Variants in PSD3 observed in about 807,000 individuals in gnomAD.
The protein encoded by PSD3 is pleckstrin and Sec7 domain containing 3.
In PSD3, 49 loss-of-function variants were observed where a neutral mutation model predicts 105.5. That is an observed-to-expected ratio of 0.46 (90% CI 0.37 to 0.59). The LOEUF is 0.59. PSD3 is among the 20% of genes least tolerant of loss of function. PSD3 has a pLI of 0.00. For missense variants in PSD3, 1,561 were observed against 1,263.8 expected (o/e 1.24, Z -3.57); for synonymous variants, 557 against 457.8 (o/e 1.22, Z -2.77).
intron 9 of PSD3, among the ~76,000 whole-genome samples, chr8:18,711,402 C>T (rs368602966): frequency 7.2e-5 from 11 of 152,100 alleles, no homozygotes; most frequent in East Asian, 1.9e-4. Context: ...CCATCTCACA[C>T]GCAAAGACAC....
At chr8:18,952,357 A>G (rs1823292850) in intron 1 of PSD3, among the ~76,000 whole-genome samples, 2 of 148,518 alleles carry the variant, frequency 1.3e-5, no homozygotes, top group African/African-American at 5.1e-5. Context: ...CAGAGACCTA[A>G]AAACGGACTT....
intron 9 of PSD3, among the ~76,000 whole-genome samples, chr8:18,757,966 T>A (rs906810172): frequency 1.3e-5 from 2 of 152,172 alleles, no homozygotes; most frequent in Non-Finnish European, 2.9e-5. Context: ...TCTGGCTGAA[T>A]AGACAAACTG....
At chr8:18,934,996 C>T (rs1409532034) in intron 2 of PSD3, among the ~76,000 whole-genome samples, 2 of 152,166 alleles carry the variant, frequency 1.3e-5, no homozygotes, top group Non-Finnish European at 2.9e-5. Flanking sequence ...GGCAAACTTG[C>T]CTTATACTCC....
rs1463197610 is a variant in PSD3 at position 18,942,375 on chromosome 8, C to T, written c.22-6233G>A. On this transcript the variant is annotated intron_variant, in intron 1 of 15. Transcript: ENST00000327040. Reference sequence around the variant, plus strand: ...TCTGCTCCCATTGCCCAGCAGAAGCCAGGCCCATGGAAGCAGGGAGCCACG... The same window carrying T: ...TCTGCTCCCATTGCCCAGCAGAAGCTAGGCCCATGGAAGCAGGGAGCCACG... Among the ~76,000 whole-genome samples the T allele has an allele frequency of 2.0e-5, 3 of 152,188 alleles. No homozygotes were observed. In the East Asian group the frequency reaches 5.8e-4, roughly 29 times the overall value.
At position 18,872,473 on chromosome 8, in the gene PSD3, T is replaced by C. The variant is rs1473332783; in HGVS notation, c.391A>G (p.Ile131Val). 1.9e-6 allele frequency: 3 copies of C among 1,614,072 alleles called. No homozygotes were observed. The highest frequency in any genetic ancestry group is 2.2e-5 in the South Asian group (2 of 91,084). The change falls in exon 3 of 16, where the codon ATT becomes GTT. Residue 131 changes from isoleucine (I) to valine (V), a missense_variant. Transcript: ENST00000327040. ...TTCAGAGCTGAAATCAAAGAGTCAATGGGCTGTAAACTTTGTTCCTTGAGA... is the reference window on the plus strand; with the variant it reads ...TTCAGAGCTGAAATCAAAGAGTCAACGGGCTGTAAACTTTGTTCCTTGAGA... ...SHLKEQSLQPIDSLISALKAT... is the reference protein window; with the variant it reads ...SHLKEQSLQPVDSLISALKAT...
chr8:18,814,277 T>C (rs990998475), intron 4 of PSD3, among the ~76,000 whole-genome samples: 4 of 152,098 alleles, frequency 2.6e-5, no homozygotes, highest in Non-Finnish European at 5.9e-5. Context: ...CTTCCAAATC[T>C]CAGTCCTTTT....
At chr8:18,997,898 G>A (rs1384898689) in intron 1 of PSD3, among the ~76,000 whole-genome samples, 1 of 151,960 alleles carries the variant, frequency 6.6e-6, no homozygotes, top group African/African-American at 2.4e-5. Context: ...TCCCTGAAGG[G>A]CTTCACACTG....
Position 18,752,552 on chromosome 8 carries a change from A to AAT in PSD3, c.2172+12896_2172+12897insAT, listed in dbSNP as rs1563225329. 1.9e-3 allele frequency among the ~76,000 whole-genome samples: 18 copies of AAT among 9,566 alleles called. 1 individual carries two copies. The highest frequency in any genetic ancestry group is 0.019 in the South Asian group (16 of 856). The allele number at this position is 9,566 out of a possible 152,430, so 6.3% of individuals were successfully genotyped here. On this transcript the variant is annotated intron_variant, in intron 9 of 15. Coordinates refer to ENST00000327040, the MANE Select transcript of PSD3 (RefSeq NM_015310.4). Reference sequence around the variant, plus strand: ...TAATTATATATTATATATATTATATATAATTATATATATTATATATATAAT... The same window carrying AAT: ...TAATTATATATTATATATATTATATAATTAATTATATATATTATATATATAAT...
chr8:18,596,577 C>CT (rs1388863554), intron 12 of PSD3, among the ~76,000 whole-genome samples: 1 of 151,662 alleles, frequency 6.6e-6, no homozygotes, highest in Non-Finnish European at 1.5e-5. Context: ...ATTGACAATC[C>CT]TTTAGCTGGA....
At chr8:18,949,236 AAAAAAAAAAT>A (rs1339898582) in intron 1 of PSD3, among the ~76,000 whole-genome samples, 236 of 54,346 alleles carry the variant, frequency 4.3e-3, no homozygotes, top group Non-Finnish European at 8.4e-3. Flanking sequence ...AAAAAAAAAA[AAAAAAAAAAT>A]ATATATATAT....
At chr8:18,914,565 T>C (rs762959792) in intron 2 of PSD3, among the ~76,000 whole-genome samples, 1 of 152,142 alleles carries the variant, frequency 6.6e-6, no homozygotes, top group Non-Finnish European at 1.5e-5. Context: ...TTCTATACAC[T>C]AATAACAAAC....
intron 14 of PSD3, among the ~76,000 whole-genome samples, chr8:18,560,994 C>A (rs751629621): frequency 7.5e-4 from 114 of 152,238 alleles, no homozygotes; most frequent in Non-Finnish European, 1.1e-3. Context: ...TTTATCCTCA[C>A]AAATGCTGTC....
At chr8:18,894,644 C>T (rs530498628) in intron 2 of PSD3, among the ~76,000 whole-genome samples, 1 of 152,270 alleles carries the variant, frequency 6.6e-6, no homozygotes, top group East Asian at 1.9e-4. Context: ...AGATTGTATT[C>T]TTTTAACCCC....
intron 9 of PSD3, among the ~76,000 whole-genome samples, chr8:18,760,086 T>C (rs1208891967): frequency 6.6e-6 from 1 of 151,726 alleles, no homozygotes; most frequent in Non-Finnish European, 1.5e-5. Flanking sequence ...ACACTGCATT[T>C]TGAACATTAA....
intron 8 of PSD3, among the ~76,000 whole-genome samples, chr8:18,766,606 A>G (rs1197974058): frequency 6.6e-6 from 1 of 152,188 alleles, no homozygotes; most frequent in Non-Finnish European, 1.5e-5. Context: ...CCTACATACT[A>G]TCAAGACCTG....
intron 4 of PSD3, among the ~76,000 whole-genome samples, chr8:18,853,721 C>T (rs920802758): frequency 1.3e-5 from 2 of 152,060 alleles, no homozygotes; most frequent in Admixed American, 6.6e-5. Flanking sequence ...CATTACGGAC[C>T]CCACTACATG....
chr8:18,613,636 G>C (rs988759439), intron 11 of PSD3, among the ~76,000 whole-genome samples: 1 of 152,038 alleles, frequency 6.6e-6, no homozygotes, highest in Non-Finnish European at 1.5e-5. Flanking sequence ...TCCTCTCCCA[G>C]ATACCATGAC....
intron 9 of PSD3, among the ~76,000 whole-genome samples, chr8:18,703,772 C>G (rs976176798): frequency 6.6e-6 from 1 of 151,978 alleles, no homozygotes; most frequent in Non-Finnish European, 1.5e-5. Context: ...ATATATAACA[C>G]TAAGCCTGAA....
intron 11 of PSD3, among the ~76,000 whole-genome samples, chr8:18,618,728 C>T (rs746179844): frequency 3.3e-5 from 5 of 151,626 alleles, no homozygotes; most frequent in East Asian, 3.9e-4. Flanking sequence ...TTTTGTAAGA[C>T]GGAGTGCAGT....
Sources: allele counts gnomAD v4.1 joint callset (sites outside exome capture counted in the v4.1 genomes callset), GRCh38; gene constraint gnomAD v4.1.1; transcripts MANE v1.5; gene names NCBI Gene and HGNC (gene_info 2026-07-23, HGNC 2026-07-21).